Variants in ASAP1 observed in about 807,000 individuals in gnomAD.
ASAP1 encodes the protein arf-GAP with SH3 domain, ANK repeat and PH domain-containing protein 1.
ASAP1 carries 43 observed loss-of-function variants against 145.2 expected under a neutral mutation model. That is an observed-to-expected ratio of 0.30 (90% CI 0.23 to 0.38). The LOEUF is 0.38. Among genes scored for constraint, ASAP1 ranks in the 10% least tolerant of loss-of-function variants. The probability of loss-of-function intolerance (pLI) is 1.00; values close to 1 mark genes in which losing one functional copy is unlikely to be tolerated. For missense variants in ASAP1, 1,018 were observed against 1,355.3 expected (o/e 0.75, Z 3.91); for synonymous variants, 546 against 515.5 (o/e 1.06, Z -0.80).
chr8:130,399,410 C>T (rs10956522), intron 2 of ASAP1, among the ~76,000 whole-genome samples: 48,847 of 151,890 alleles, frequency 0.32, 8,655 homozygotes, highest in African/African-American at 0.46. Flanking sequence ...AAGATACCTG[C>T]AAAATGAATG....
At chr8:130,111,914 C>T (rs1022133546) in intron 24 of ASAP1, among the ~76,000 whole-genome samples, 180 bp downstream of exon 24, 1 of 152,192 alleles carries the variant, frequency 6.6e-6, no homozygotes, top group African/African-American at 2.4e-5. Flanking sequence ...ACTGCCTGTC[C>T]TGCTCTTGGT....
At chr8:130,329,042 G>A (rs72724446) in intron 3 of ASAP1, among the ~76,000 whole-genome samples, 5,280 of 152,200 alleles carry the variant, frequency 0.035, 125 homozygotes, top group Middle Eastern at 0.068. Context: ...TTCCACTGAA[G>A]CCTTTGTTCC....
intron 3 of ASAP1, among the ~76,000 whole-genome samples, chr8:130,275,842 T>TA (rs1431289496): frequency 4.6e-5 from 7 of 152,240 alleles, no homozygotes; most frequent in Admixed American, 1.3e-4. Context: ...AAAAGGCATG[T>TA]AAAAAACTAC....
intron 3 of ASAP1, among the ~76,000 whole-genome samples, chr8:130,260,872 A>C (rs1819854213): frequency 6.6e-6 from 1 of 152,170 alleles, no homozygotes; most frequent in African/African-American, 2.4e-5. Context: ...TTTATATTAA[A>C]ACAGACATAA....
intron 26 of ASAP1, 149 bp downstream of exon 26, chr8:130,079,753 G>A: frequency 1.3e-6 from 1 of 748,020 alleles, no homozygotes; most frequent in East Asian, 2.5e-5. Flanking sequence ...CAAACCAAGA[G>A]TGAACGTCTG....
intron 3 of ASAP1, among the ~76,000 whole-genome samples, chr8:130,298,883 C>A (rs116156811): frequency 0.017 from 2,586 of 152,276 alleles, 37 homozygotes; most frequent in East Asian, 0.053. Context: ...CCTGTTTATT[C>A]ATATGTCTGC....
At chr8:130,313,002 G>C (rs1055477774) in intron 3 of ASAP1, among the ~76,000 whole-genome samples, 3 of 152,176 alleles carry the variant, frequency 2.0e-5, no homozygotes, top group African/African-American at 7.2e-5. Context: ...GCAAATGAAA[G>C]CAATCATAGC....
intron 3 of ASAP1, among the ~76,000 whole-genome samples, chr8:130,276,732 T>A (rs368450045): frequency 0.028 from 2,428 of 85,672 alleles, 37 homozygotes; most frequent in African/African-American, 0.061. Flanking sequence ...ACACACACTC[T>A]CTCTCTCTCT....
intron 11 of ASAP1, 185 bp from the exon 12 acceptor site, chr8:130,160,149 C>A: frequency 1.7e-6 from 1 of 573,544 alleles, no homozygotes. Flanking sequence ...GCCAGAGTCA[C>A]AAAGCAAGTC....
chr8:130,264,221 C>A (rs902555829), intron 3 of ASAP1, among the ~76,000 whole-genome samples: 9 of 152,158 alleles, frequency 5.9e-5, no homozygotes, highest in Non-Finnish European at 1.3e-4. Flanking sequence ...AGCTAAACAA[C>A]GGAGGCTCCT....
intron 3 of ASAP1, among the ~76,000 whole-genome samples, chr8:130,334,096 C>T (rs116079328): frequency 0.016 from 2,369 of 152,224 alleles, 34 homozygotes; most frequent in East Asian, 0.052. Context: ...GGCAAGGAGA[C>T]GTGAAAATGC....
chr8:130,137,214 C>T (rs1420556467), intron 13 of ASAP1, among the ~76,000 whole-genome samples, 176 bp from the exon 14 acceptor site: 1 of 152,204 alleles, frequency 6.6e-6, no homozygotes, highest in Admixed American at 6.5e-5. Flanking sequence ...TGCAAGAAGA[C>T]AACAGATCTG....
At chr8:130,194,902 G>C (rs1297669074) in intron 5 of ASAP1, among the ~76,000 whole-genome samples, 1 of 152,104 alleles carries the variant, frequency 6.6e-6, no homozygotes, top group Non-Finnish European at 1.5e-5. Context: ...CTGAGCAAGA[G>C]TTTTGCAAAC....
intron 2 of ASAP1, among the ~76,000 whole-genome samples, chr8:130,400,819 G>A (rs1273781581): frequency 2.7e-5 from 4 of 150,534 alleles, no homozygotes; most frequent in Admixed American, 2.7e-4. Context: ...CAAGGGTCCT[G>A]CAGTAAGGGA....
Position 130,053,345 on chromosome 8 carries a change from A to C in ASAP1, c.*1386T>G, listed in dbSNP as rs775132753. On this transcript the variant is annotated 3_prime_UTR_variant, in exon 30 of 30. Coordinates refer to ENST00000518721, the MANE Select transcript of ASAP1 (RefSeq NM_018482.4). Reference sequence around the variant, plus strand: ...CAGGGAACAGTTCCACTGACTGTGGAGTACAACTATTGCATTCTTTTCCAA... The same window carrying C: ...CAGGGAACAGTTCCACTGACTGTGGCGTACAACTATTGCATTCTTTTCCAA... 3.3e-5 allele frequency: 5 copies of C among 152,244 alleles called. No homozygotes were observed. Among genetic ancestry groups the C allele is most frequent in the Admixed American group, 2.6e-4 (4 of 15,278 alleles). The allele number at this position is 152,244 out of a possible 1,614,324, so 9.4% of individuals were successfully genotyped here.
At chr8:130,082,501 CTTTTTTTTTT>C (rs11414704) in intron 25 of ASAP1, among the ~76,000 whole-genome samples, 1 of 130,676 alleles carries the variant, frequency 7.7e-6, no homozygotes, top group African/African-American at 2.8e-5. Context: ...CACACGTGGC[CTTTTTTTTTT>C]TTTTTTTTAA....
rs563589595 is a variant in ASAP1, at chr8:130,224,661, A to G, written c.260-9960T>C. Among the ~76,000 whole-genome samples the G allele has an allele frequency of 2.3e-4, 35 of 152,340 alleles. 1 individual carries two copies. Among genetic ancestry groups the G allele is most frequent in the African/African-American group, 8.2e-4 (34 of 41,586 alleles). ...CTTGCTTTTTTCCTATGGAATAAAAATCATGAAATTTAATATAAGTAAATC... is the reference window on the plus strand; with the variant it reads ...CTTGCTTTTTTCCTATGGAATAAAAGTCATGAAATTTAATATAAGTAAATC... On this transcript the variant is annotated intron_variant, in intron 4 of 29. Coordinates refer to ENST00000518721, the MANE Select transcript of ASAP1 (RefSeq NM_018482.4).
chr8:130,351,597 G>T (rs558047675), intron 3 of ASAP1, among the ~76,000 whole-genome samples: 2 of 151,884 alleles, frequency 1.3e-5, no homozygotes, highest in Non-Finnish European at 2.9e-5. Flanking sequence ...GTCATGGCAG[G>T]AGGAGAAGTG....
intron 1 of ASAP1, among the ~76,000 whole-genome samples, chr8:130,409,211 G>A (rs377718141): frequency 6.4e-4 from 98 of 151,952 alleles, no homozygotes; most frequent in African/African-American, 2.2e-3. Flanking sequence ...GTAGTGAGCC[G>A]AGATTGCGCC....
Sources: allele counts gnomAD v4.1 joint callset (sites outside exome capture counted in the v4.1 genomes callset), GRCh38; gene constraint gnomAD v4.1.1; transcripts MANE v1.5; gene names NCBI Gene and HGNC (gene_info 2026-07-23, HGNC 2026-07-21).